Variants in NIPAL2 observed in about 807,000 individuals in gnomAD.
NIPAL2 encodes NIPA like domain containing 2.
A neutral mutation model predicts 48.9 loss-of-function variants in NIPAL2; 43 were observed. That is an observed-to-expected ratio of 0.88 (90% CI 0.69 to 1.13). The LOEUF (loss-of-function observed/expected upper bound fraction) is 1.13. NIPAL2 is among the 50% of genes most tolerant of loss of function. NIPAL2 has a pLI of 0.00. For missense variants in NIPAL2, 446 were observed against 461.4 expected, an observed-to-expected ratio of 0.97 and a Z score of 0.31; for synonymous variants, 167 against 174.6, an observed-to-expected ratio of 0.96 and a Z score of 0.34.
chr8:98,255,702 G>A, intron 1 of NIPAL2, among the ~76,000 whole-genome samples: 1 of 152,120 alleles, frequency 6.6e-6, no homozygotes, highest in East Asian at 1.9e-4. Flanking sequence ...AAACAATTGA[G>A]GCACAATGCA....
At chr8:98,229,548 T>A (rs974536036) in intron 4 of NIPAL2, among the ~76,000 whole-genome samples, 1 of 152,154 alleles carries the variant, frequency 6.6e-6, no homozygotes, top group Non-Finnish European at 1.5e-5. Flanking sequence ...AATTTTTTAA[T>A]TTTAATTTTT....
chr8:98,258,425 G>A (rs762234936), intron 1 of NIPAL2, among the ~76,000 whole-genome samples: 1 of 152,170 alleles, frequency 6.6e-6, no homozygotes, highest in South Asian at 2.1e-4. Context: ...AAGTAAGTCA[G>A]AGTGTGCTTT....
chr8:98,215,185 T>C (rs1326083260), intron 5 of NIPAL2, among the ~76,000 whole-genome samples: 2 of 152,242 alleles, frequency 1.3e-5, no homozygotes, highest in Admixed American at 6.5e-5. Context: ...CTAGAAACCA[T>C]GTATGACTTT....
At chr8:98,199,157 T>C (rs1269099859) in intron 8 of NIPAL2, among the ~76,000 whole-genome samples, 6 of 152,082 alleles carry the variant, frequency 3.9e-5, no homozygotes. Context: ...GGTTTCTCTG[T>C]GTTGGTCAGG....
chr8:98,272,978 T>A (rs1223180906), intron 1 of NIPAL2, among the ~76,000 whole-genome samples: 1 of 152,118 alleles, frequency 6.6e-6, no homozygotes, highest in African/African-American at 2.4e-5. Context: ...AACAAAGGAT[T>A]GAAAGTGTCC....
intron 6 of NIPAL2, among the ~76,000 whole-genome samples, chr8:98,205,613 G>C (rs988212673): frequency 6.6e-6 from 1 of 152,088 alleles, no homozygotes; most frequent in Admixed American, 6.6e-5. Flanking sequence ...AAGTCAGATT[G>C]TCCATGTGAC....
intron 1 of NIPAL2, among the ~76,000 whole-genome samples, chr8:98,270,675 T>C (rs1815074003): frequency 6.6e-6 from 1 of 152,192 alleles, no homozygotes; most frequent in South Asian, 2.1e-4. Flanking sequence ...ATAGTCTCTT[T>C]GGGTGTGCAG....
At chr8:98,287,510 A>T (rs1347519700) in intron 1 of NIPAL2, among the ~76,000 whole-genome samples, 1 of 152,072 alleles carries the variant, frequency 6.6e-6, no homozygotes, top group Non-Finnish European at 1.5e-5. Context: ...AACTGACATA[A>T]TTTTTCTTAT....
At chr8:98,266,300 GA>G (rs140250169) in intron 1 of NIPAL2, among the ~76,000 whole-genome samples, 8,776 of 145,924 alleles carry the variant, frequency 0.06, 650 homozygotes, top group African/African-American at 0.17. Context: ...AAAAGAAAAT[GA>G]AAAAAAAAAG....
intron 4 of NIPAL2, among the ~76,000 whole-genome samples, chr8:98,227,096 C>T (rs1812216246): frequency 1.3e-5 from 2 of 152,034 alleles, no homozygotes; most frequent in Non-Finnish European, 2.9e-5. Context: ...CCCAAAGGCT[C>T]TTCAGTCAGC....
intron 3 of NIPAL2, among the ~76,000 whole-genome samples, chr8:98,246,816 C>A (rs1005233108): frequency 6.6e-6 from 1 of 152,144 alleles, no homozygotes; most frequent in African/African-American, 2.4e-5. Context: ...TTCTCCCTCC[C>A]TCCCTCCTTG....
chr8:98,284,250 GT>G (rs1816022719), intron 1 of NIPAL2, among the ~76,000 whole-genome samples: 1 of 152,116 alleles, frequency 6.6e-6, no homozygotes, highest in African/African-American at 2.4e-5. Context: ...ATATCACAAT[GT>G]TTCCTCTTCT....
At chr8:98,214,911 A>G (rs1358079419) in intron 5 of NIPAL2, among the ~76,000 whole-genome samples, 2 of 152,208 alleles carry the variant, frequency 1.3e-5, no homozygotes, top group Admixed American at 6.5e-5. Flanking sequence ...TGCCTTCCCT[A>G]AAACAGCCAT....
At chr8:98,218,546 C>G (rs1395886889) in intron 5 of NIPAL2, among the ~76,000 whole-genome samples, 1 of 152,098 alleles carries the variant, frequency 6.6e-6, no homozygotes, top group Admixed American at 6.6e-5. Flanking sequence ...GAAGTGACAG[C>G]ACTAGGGTAG....
chr8:98,199,938 CTTTA>C (rs1335344787), intron 8 of NIPAL2, among the ~76,000 whole-genome samples: 1 of 151,804 alleles, frequency 6.6e-6, no homozygotes, highest in African/African-American at 2.4e-5. Context: ...CCAAGAAAAT[CTTTA>C]TTTATTTATT....
chr8:98,242,708 G>A (rs1813060019), intron 3 of NIPAL2, among the ~76,000 whole-genome samples: 1 of 151,902 alleles, frequency 6.6e-6, no homozygotes, highest in Non-Finnish European at 1.5e-5. Context: ...CTGGTTCTGA[G>A]CTCCTAACCT....
At chr8:98,215,542 A>AGAATCAGAGG (rs1811532750) in intron 5 of NIPAL2, among the ~76,000 whole-genome samples, 1 of 152,160 alleles carries the variant, frequency 6.6e-6, no homozygotes, top group Non-Finnish European at 1.5e-5. Context: ...TCCTGTTACG[A>AGAATCAGAGG]ATTCGTTGAA....
chr8:98,240,233 T>C (rs1216080943), intron 3 of NIPAL2, among the ~76,000 whole-genome samples: 3 of 152,198 alleles, frequency 2.0e-5, no homozygotes, highest in Non-Finnish European at 4.4e-5. Context: ...CAGAGACTCA[T>C]GAATGCTTTT....
At chr8:98,285,229 T>C (rs191992142) in intron 1 of NIPAL2, among the ~76,000 whole-genome samples, 1 of 152,232 alleles carries the variant, frequency 6.6e-6, no homozygotes, top group Admixed American at 6.5e-5. Context: ...GGGTGTCCCA[T>C]GAAGACAAAA....
Sources: allele counts gnomAD v4.1 joint callset (sites outside exome capture counted in the v4.1 genomes callset), GRCh38; gene constraint gnomAD v4.1.1; transcripts MANE v1.5; gene names NCBI Gene and HGNC (gene_info 2026-07-23, HGNC 2026-07-21).